The following GLIS1 variants were observed in gnomAD, a reference collection of about 807,000 sequenced individuals.
The protein encoded by GLIS1 is zinc finger protein GLIS1.
GLIS1 carries 24 observed loss-of-function variants against 63.8 expected under a neutral mutation model. The observed-to-expected ratio is 0.38, with a 90% confidence interval of 0.27 to 0.53. The LOEUF is 0.53. GLIS1 is among the 20% of genes least tolerant of loss of function. The pLI is 0.85. For synonymous variants in GLIS1, 450 were observed against 482.5 expected (o/e 0.93, Z 0.88); for missense variants, 1,036 against 1,074.1 (o/e 0.96, Z 0.50).
chr1:53,596,218 C>A (rs556921360), intron 3 of GLIS1, among the ~76,000 whole-genome samples: 1 of 152,352 alleles, frequency 6.6e-6, no homozygotes, highest in East Asian at 1.9e-4. Context: ...GCGCAGGAGG[C>A]CAGGCTTAAA....
At chr1:53,611,728 T>C (rs1368752101) in intron 2 of GLIS1, among the ~76,000 whole-genome samples, 4 of 152,246 alleles carry the variant, frequency 2.6e-5, no homozygotes, top group East Asian at 1.9e-4. Flanking sequence ...AACTGAAAGT[T>C]TGGGATACCA....
chr1:53,575,407 C>T (rs772154560), intron 4 of GLIS1, among the ~76,000 whole-genome samples: 18 of 152,210 alleles, frequency 1.2e-4, no homozygotes, highest in Non-Finnish European at 1.9e-4. Flanking sequence ...TGCTCTGGGC[C>T]TCACACAACT....
At chr1:53,710,657 T>C (rs1261309896) in intron 2 of GLIS1, among the ~76,000 whole-genome samples, 1 of 151,536 alleles carries the variant, frequency 6.6e-6, no homozygotes, top group African/African-American at 2.4e-5. Context: ...CTCTGCCTGC[T>C]GGGGCTGGAG....
chr1:53,649,647 G>A (rs1366027407), intron 2 of GLIS1, among the ~76,000 whole-genome samples: 2 of 152,202 alleles, frequency 1.3e-5, no homozygotes, highest in Non-Finnish European at 2.9e-5. Flanking sequence ...ACCATAGATT[G>A]AGGTCTCCGG....
At chr1:53,544,238 C>G (rs1387087234) in intron 4 of GLIS1, among the ~76,000 whole-genome samples, 2 of 152,202 alleles carry the variant, frequency 1.3e-5, no homozygotes, top group African/African-American at 2.4e-5. Context: ...GAAAATAGAT[C>G]ACTGCATTGC....
chr1:53,696,798 G>A (rs6661728), intron 2 of GLIS1, among the ~76,000 whole-genome samples: 38,079 of 152,058 alleles, frequency 0.25, 5,109 homozygotes, highest in African/African-American at 0.35. Context: ...CCTCCCACAC[G>A]GAGCCTTGCC....
intron 2 of GLIS1, among the ~76,000 whole-genome samples, chr1:53,710,647 C>A (rs770890044): frequency 6.6e-6 from 1 of 152,216 alleles, no homozygotes; most frequent in Non-Finnish European, 1.5e-5. Context: ...AGTCCTACCC[C>A]TCTGCCTGCT....
At chr1:53,512,581 G>A (rs1237218392) in intron 8 of GLIS1, among the ~76,000 whole-genome samples, 1 of 152,162 alleles carries the variant, frequency 6.6e-6, no homozygotes, top group East Asian at 1.9e-4. Context: ...TCTCTTCTCA[G>A]GGGATGAAAA....
At chr1:53,633,335 A>T (rs1430519574) in intron 2 of GLIS1, among the ~76,000 whole-genome samples, 1 of 98,572 alleles carries the variant, frequency 1.0e-5, no homozygotes, top group African/African-American at 4.2e-5. Flanking sequence ...TGAATGGCTG[A>T]GGGGCGTGTG....
chr1:53,632,356 GTGAA>G (rs1291399688), intron 2 of GLIS1, among the ~76,000 whole-genome samples: 1 of 148,042 alleles, frequency 6.8e-6, no homozygotes, highest in African/African-American at 2.5e-5. Flanking sequence ...AGATGGGTGT[GTGAA>G]TGGGACTGAG....
chr1:53,528,071 G>A (rs1644489262), intron 5 of GLIS1, among the ~76,000 whole-genome samples: 1 of 152,060 alleles, frequency 6.6e-6, no homozygotes, highest in Admixed American at 6.5e-5. Context: ...GCTGGCTTGT[G>A]GCCTCTGGGA....
chr1:53,735,613 C>T (rs564655647), intron 2 of GLIS1, among the ~76,000 whole-genome samples: 1 of 152,314 alleles, frequency 6.6e-6, no homozygotes, highest in East Asian at 1.9e-4. Context: ...TCGATTCCCC[C>T]AAGTGCCACA....
At chr1:53,517,715 AT>A (rs943915010) in intron 7 of GLIS1, among the ~76,000 whole-genome samples, 2 of 152,034 alleles carry the variant, frequency 1.3e-5, no homozygotes, top group Admixed American at 1.3e-4. Context: ...GACAATGGAA[AT>A]TTGGTGTCTC....
intron 2 of GLIS1, among the ~76,000 whole-genome samples, chr1:53,675,918 C>T (rs1038372812): frequency 6.6e-6 from 1 of 150,936 alleles, no homozygotes; most frequent in South Asian, 2.1e-4. Context: ...CCCTACCTGG[C>T]CCAGAGAGAG....
At chr1:53,582,190 C>T (rs1645091970) in intron 4 of GLIS1, among the ~76,000 whole-genome samples, 1 of 152,158 alleles carries the variant, frequency 6.6e-6, no homozygotes, top group South Asian at 2.1e-4. Flanking sequence ...TCAGGTGGCT[C>T]CATGCAAATG....
At chr1:53,662,051 G>T (rs1045789737) in intron 2 of GLIS1, among the ~76,000 whole-genome samples, 1 of 152,106 alleles carries the variant, frequency 6.6e-6, no homozygotes, top group Non-Finnish European at 1.5e-5. Flanking sequence ...TGTAATCAAG[G>T]GGCTGAACTG....
At chr1:53,689,040 A>G (rs1418491958) in intron 2 of GLIS1, among the ~76,000 whole-genome samples, 1 of 152,206 alleles carries the variant, frequency 6.6e-6, no homozygotes, top group Admixed American at 6.5e-5. Flanking sequence ...CCTGCTTTCA[A>G]TAGCACTTTG....
At chr1:53,675,304 A>G (rs1646199440) in intron 2 of GLIS1, among the ~76,000 whole-genome samples, 1 of 152,092 alleles carries the variant, frequency 6.6e-6, no homozygotes, top group Admixed American at 6.5e-5. Context: ...AAAATCACTC[A>G]CCTGGGATTA....
chr1:53,722,325 C>G (rs1279760252), intron 2 of GLIS1, among the ~76,000 whole-genome samples: 1 of 152,180 alleles, frequency 6.6e-6, no homozygotes, highest in African/African-American at 2.4e-5. Flanking sequence ...AAGATATTCA[C>G]TGCAGCATTA....
Sources: gnomAD v4.1 joint callset for allele counts (sites outside exome capture counted in the v4.1 genomes callset) on GRCh38, gnomAD v4.1.1 for gene constraint, MANE v1.5 for transcripts, NCBI Gene and HGNC (gene_info 2026-07-23, HGNC 2026-07-21) for gene names.